DIP2C: variants seen among roughly 807,000 people sequenced by gnomAD.
The protein encoded by DIP2C is disco-interacting protein 2 homolog C.
A neutral mutation model predicts 192.4 loss-of-function variants in DIP2C; 33 were observed. That is an observed-to-expected ratio of 0.17 (90% CI 0.13 to 0.23). DIP2C has a LOEUF of 0.23. DIP2C is among the 10% of genes least tolerant of loss of function. The pLI is 1.00. For missense variants in DIP2C, 1,537 were observed against 2,110.1 expected, an observed-to-expected ratio of 0.73 and a Z score of 5.32; for synonymous variants, 979 against 864.1, an observed-to-expected ratio of 1.13 and a Z score of -2.33.
rs191619746 is a variant in DIP2C at position 374,771 on chromosome 10, G to A, written c.1992-5138C>T. On this transcript the variant is annotated intron_variant, in intron 17 of 36. Transcript: ENST00000280886. ...GCTAAGAAGTAAAAATCCCAAGTAGGTAGATGAGGTGAGGAAGGGAAGAAA... is the reference window on the plus strand; with the variant it reads ...GCTAAGAAGTAAAAATCCCAAGTAGATAGATGAGGTGAGGAAGGGAAGAAA... 3.3e-5 allele frequency among the ~76,000 whole-genome samples: 5 copies of A among 152,330 alleles called. No homozygotes were observed. In the East Asian group the frequency reaches 7.7e-4, roughly 23 times the overall value.
chr10:416,025 C>T (rs965150003), intron 6 of DIP2C, 137 bp from the exon 7 acceptor site: 38 of 1,340,566 alleles, frequency 2.8e-5, no homozygotes, highest in Admixed American at 1.7e-4. Flanking sequence ...GGGAAGGGCC[C>T]GAGGTGATCA....
intron 1 of DIP2C, among the ~76,000 whole-genome samples, chr10:613,337 T>C (rs573908157): frequency 1.4e-4 from 22 of 152,126 alleles, no homozygotes; most frequent in African/African-American, 4.8e-4. Flanking sequence ...CACAGTGCAG[T>C]GCGATTTTCT....
At chr10:609,669 T>TTTCC (rs1198278538) in intron 1 of DIP2C, among the ~76,000 whole-genome samples, 2 of 152,232 alleles carry the variant, frequency 1.3e-5, no homozygotes, top group African/African-American at 4.8e-5. Context: ...CTTGTGTTTC[T>TTTCC]TTCCTTCTTA....
chr10:532,144 C>T (rs116012998), intron 1 of DIP2C, among the ~76,000 whole-genome samples: 1,943 of 152,178 alleles, frequency 0.013, 45 homozygotes, highest in African/African-American at 0.044. Flanking sequence ...CCATCAGCCC[C>T]GGCAGAAGCT....
intron 1 of DIP2C, among the ~76,000 whole-genome samples, chr10:560,858 G>C (rs1849174513): frequency 6.6e-6 from 1 of 152,158 alleles, no homozygotes; most frequent in Non-Finnish European, 1.5e-5. Context: ...GAATTAGACA[G>C]AACTTAGACT....
chr10:419,145 T>G lies in DIP2C; in HGVS notation c.659A>C (p.Gln220Pro). ...VTTYTSEHSI[Q>P]VERPQGSTGS... ...CGTGGAACCCTGCGGTCTCTCCACCTGTATCGAGTGCTCTGAGGTGTACGT... is the reference window on the plus strand; with the variant it reads ...CGTGGAACCCTGCGGTCTCTCCACCGGTATCGAGTGCTCTGAGGTGTACGT... The change falls in exon 6 of 37, where the codon CAG (glutamine) becomes CCG (proline). Residue 220 changes from glutamine to proline, a missense_variant. Physicochemically the swap from Gln to Pro is moderately conservative, Grantham distance 76. This residue lies in a region of DIP2C where 473 missense variants were observed against 539.6 expected (regional missense o/e 0.88). Coordinates refer to ENST00000280886, the MANE Select transcript of DIP2C (RefSeq NM_014974.3). 1 of 1,614,242 alleles carries G rather than the reference T, an allele frequency of 6.2e-7. No individual in the cohort carries two copies. Among genetic ancestry groups the G allele is most frequent in the Non-Finnish European group, 8.5e-7 (1 of 1,180,034 alleles).
chr10:618,029 C>T (rs947748052), intron 1 of DIP2C, among the ~76,000 whole-genome samples: 7 of 152,202 alleles, frequency 4.6e-5, no homozygotes, highest in Non-Finnish European at 7.3e-5. Context: ...CCAGTACTGT[C>T]CCACTCTGTG....
intron 1 of DIP2C, among the ~76,000 whole-genome samples, chr10:518,278 A>T (rs1433624492): frequency 6.6e-6 from 1 of 152,230 alleles, no homozygotes; most frequent in Non-Finnish European, 1.5e-5. Flanking sequence ...TCCTTCGTGA[A>T]AAGCGGCGTT....
intron 12 of DIP2C, 63 bp from the exon 13 acceptor site, chr10:390,156 T>C: frequency 6.3e-7 from 1 of 1,589,460 alleles, no homozygotes; most frequent in South Asian, 1.1e-5. Context: ...TTCTGGTTAC[T>C]TGAGGTTCTC....
At chr10:671,991 GGCCATAGACGCACGGACGGAGGAAAA>G (rs1403697148) in intron 1 of DIP2C, among the ~76,000 whole-genome samples, 1 of 118,044 alleles carries the variant, frequency 8.5e-6, no homozygotes, top group Middle Eastern at 6.3e-3. Flanking sequence ...GGAGGAAACA[GGCCATAGACGCACGGACGGAGGAAAA>G]GCCACAGACG....
At chr10:398,051 G>A (rs144897618) in intron 10 of DIP2C, among the ~76,000 whole-genome samples, 3 of 152,054 alleles carry the variant, frequency 2.0e-5, no homozygotes, top group Admixed American at 6.6e-5. Context: ...GAAAGAAATC[G>A]AAGTATTTTA....
chr10:396,740 G>A (rs1186907097), intron 10 of DIP2C, among the ~76,000 whole-genome samples: 1 of 151,348 alleles, frequency 6.6e-6, no homozygotes, highest in African/African-American at 2.4e-5. Flanking sequence ...CTGTTGTGAA[G>A]ACCATGGGAC....
chr10:463,906 A>G (rs1969993079), intron 3 of DIP2C, among the ~76,000 whole-genome samples: 1 of 152,214 alleles, frequency 6.6e-6, no homozygotes, highest in Non-Finnish European at 1.5e-5. Context: ...ATTATTCCCT[A>G]TTTAATAAAT....
chr10:525,402 A>G (rs1476901488), intron 1 of DIP2C, among the ~76,000 whole-genome samples: 2 of 152,250 alleles, frequency 1.3e-5, no homozygotes, highest in African/African-American at 4.8e-5. Flanking sequence ...TCAGAATGAA[A>G]ATACATACAT....
chr10:619,541 G>T (rs7088809), intron 1 of DIP2C, among the ~76,000 whole-genome samples: 6,645 of 67,896 alleles, frequency 0.098, 479 homozygotes, highest in African/African-American at 0.2. Context: ...CCGCCCGCCC[G>T]CCCTCCCACC....
chr10:568,822 C>CT (rs1049854067), intron 1 of DIP2C, among the ~76,000 whole-genome samples: 1 of 133,402 alleles, frequency 7.5e-6, no homozygotes, highest in Non-Finnish European at 1.6e-5. Context: ...TGCAAGATGG[C>CT]TGTGGCTCTG....
At chr10:495,319 T>A (rs1475555238) in intron 1 of DIP2C, among the ~76,000 whole-genome samples, 1 of 152,172 alleles carries the variant, frequency 6.6e-6, no homozygotes, top group Non-Finnish European at 1.5e-5. Flanking sequence ...CTACAGTTAA[T>A]AACAATGTAC....
intron 1 of DIP2C, among the ~76,000 whole-genome samples, chr10:647,792 C>T (rs1249536902): frequency 6.7e-6 from 1 of 149,454 alleles, no homozygotes; most frequent in Middle Eastern, 3.6e-3. Context: ...ACTGAGTCCA[C>T]GTCCACATTG....
chr10:384,651 A>G lies in DIP2C; in HGVS notation c.1663-12T>C, dbSNP rs1429232311. 1.9e-6 allele frequency: 3 copies of G among 1,613,538 alleles called. No homozygotes were observed. Among genetic ancestry groups the G allele is most frequent in the Non-Finnish European group, 2.5e-6 (3 of 1,179,866 alleles). On this transcript the variant is annotated splice_polypyrimidine_tract_variant and intron_variant, in intron 14 of 36. Transcript: ENST00000280886. ...ATGTTCATGACGCTCTGCAATCAAC[A>G]AAGGAACACGCAGGGTGAGCATGGA...
Sources: gnomAD v4.1 joint callset for allele counts (sites outside exome capture counted in the v4.1 genomes callset) on GRCh38, gnomAD v4.1.1 for gene constraint, gnomAD v4.1.1 regional missense constraint, MANE v1.5 for transcripts, NCBI Gene and HGNC (gene_info 2026-07-23, HGNC 2026-07-21) for gene names.